DAAM2: variants seen among roughly 807,000 people sequenced by gnomAD.
DAAM2 encodes the protein disheveled-associated activator of morphogenesis 2.
In DAAM2, 39 loss-of-function variants were observed where a neutral mutation model predicts 120.7. That is an observed-to-expected ratio of 0.32 (90% CI 0.25 to 0.42). The LOEUF (loss-of-function observed/expected upper bound fraction) is 0.42. Ranked by LOEUF, DAAM2 falls within the 10% of genes least tolerant of loss-of-function variation. The pLI, the probability that DAAM2 is intolerant of heterozygous loss-of-function variation, is 1.00. For missense variants in DAAM2, 1,283 were observed against 1,401.7 expected, an observed-to-expected ratio of 0.92 and a Z score of 1.35; for synonymous variants, 488 against 524.9, an observed-to-expected ratio of 0.93 and a Z score of 0.96.
At chr6:39,835,735 G>T (rs930781774) in intron 1 of DAAM2, among the ~76,000 whole-genome samples, 1 of 152,218 alleles carries the variant, frequency 6.6e-6, no homozygotes, top group Non-Finnish European at 1.5e-5. Flanking sequence ...ATGCCGAGAG[G>T]ACTCTGTGGT....
rs1223508631 is a variant in DAAM2, at chr6:39,901,403, C to T, written c.2913C>T (p.Ala971=). 3.7e-6 allele frequency: 6 copies of T among 1,613,544 alleles called. No individual in the cohort carries two copies. Among genetic ancestry groups the T allele is most frequent in the East Asian group, 2.2e-5 (1 of 44,878 alleles). Residue 971 remains alanine, a synonymous_variant, in exon 24 of 25, where the codon GCC becomes GCT. Transcript: ENST00000274867. This position sits in a 1 kb window ranked among gnomAD's most constrained non-coding sequence, Gnocchi z 4.5. The stretch of plus-strand genomic sequence containing the variant: ...CCTTCTTGCAGGCCTTCTCAGAGGC[C>T]CGGCAGGATCTAGAGGCCATGAGGA... The part of the protein sequence containing the change: ...FDTFLQAFSE[A]RQDLEAMRRR...
In DAAM2 at chr6:39,902,155, C is replaced by A; in HGVS notation, c.*118C>A. 1 of 868,948 alleles carries A rather than the reference C, an allele frequency of 1.2e-6. No individual in the cohort carries two copies. The allele number at this position is 868,948 out of a possible 1,614,324, so 53.8% of individuals were successfully genotyped here. A position where few individuals can be genotyped will look rare whatever the true frequency, so the allele number is the denominator to read the frequency against. ...CTTGGTTTAGAGCCTTGGGCTGGGT[C>A]CTGGGATGGGGGGCTGTGTGTGGCT... On this transcript the variant is annotated 3_prime_UTR_variant, in exon 25 of 25. Coordinates refer to ENST00000274867, the MANE Select transcript of DAAM2 (RefSeq NM_001201427.2).
At chr6:39,795,300 C>T (rs1368696574) in intron 1 of DAAM2, among the ~76,000 whole-genome samples, 4 of 152,180 alleles carry the variant, frequency 2.6e-5, no homozygotes, top group Non-Finnish European at 5.9e-5. Context: ...GCGGATGACC[C>T]TCTAGATCTC....
At chr6:39,888,346 A>T (rs1045888397) in intron 16 of DAAM2, 3 of 174,184 alleles carry the variant, frequency 1.7e-5, no homozygotes, top group African/African-American at 7.1e-5. Context: ...TTTAAGCATG[A>T]GGAGGAGGAG....
intron 8 of DAAM2, among the ~76,000 whole-genome samples, chr6:39,871,060 G>A (rs1291900270): frequency 6.6e-6 from 1 of 152,180 alleles, no homozygotes; most frequent in African/African-American, 2.4e-5. Context: ...CCCTATGAAA[G>A]TACTGGGGAA....
rs1206544347 is a variant in DAAM2 at position 39,831,964 on chromosome 6, TG to T, written c.-56-24276del. On this transcript the variant is annotated intron_variant, in intron 1 of 24. Transcript: ENST00000274867. ...CCGGGGCACTGGAGGGTAGGTGCACTGGGGGGGTAGGTGCACTGGGGGGTAG... is the reference window on the plus strand; with the variant it reads ...CCGGGGCACTGGAGGGTAGGTGCACTGGGGGGTAGGTGCACTGGGGGGTAG... Among the ~76,000 whole-genome samples the T allele has an allele frequency of 1.0e-4, 4 of 38,288 alleles. No homozygotes were observed. The Admixed American group carries it at 1.1e-3, about 11-fold the overall frequency. The allele number at this position is 38,288 out of a possible 152,430, so 25.1% of individuals were successfully genotyped here.
chr6:39,870,581 GT>G (rs1283684885), intron 8 of DAAM2, 138 bp downstream of exon 8: 1 of 653,880 alleles, frequency 1.5e-6, no homozygotes, highest in Admixed American at 2.3e-5. Context: ...AATCAGCTCT[GT>G]GGGGGGAAGG....
At chr6:39,883,685 A>G (rs3800352) in intron 14 of DAAM2, 5,302 of 349,032 alleles carry the variant, frequency 0.015, 86 homozygotes, top group East Asian at 0.059. Context: ...CCTACTGCCT[A>G]CCCATCCCCC....
intron 1 of DAAM2, among the ~76,000 whole-genome samples, chr6:39,844,579 G>T (rs1763487090): frequency 6.6e-6 from 1 of 152,152 alleles, no homozygotes; most frequent in South Asian, 2.1e-4. Context: ...GGTCTATGGC[G>T]GATGTAAGCG....
intron 1 of DAAM2, among the ~76,000 whole-genome samples, chr6:39,824,246 T>C (rs2114150016): frequency 6.6e-6 from 1 of 152,258 alleles, no homozygotes; most frequent in South Asian, 2.1e-4. Context: ...TCAGGAAGTA[T>C]TGCTGGCATA....
At chr6:39,798,021 T>A (rs1582585081) in intron 1 of DAAM2, among the ~76,000 whole-genome samples, 1 of 152,086 alleles carries the variant, frequency 6.6e-6, no homozygotes, top group Admixed American at 6.5e-5. Flanking sequence ...AATGGCAGAG[T>A]TGAGTAGATG....
At chr6:39,862,430 T>A (rs1374408001) in intron 3 of DAAM2, 1 of 152,192 alleles carries the variant, frequency 6.6e-6, no homozygotes, top group Non-Finnish European at 1.5e-5. Context: ...TATCTCATGA[T>A]TCTCCATTTT....
intron 2 of DAAM2, among the ~76,000 whole-genome samples, chr6:39,857,113 G>GCTGAGGA (rs1338161847): frequency 1.3e-5 from 2 of 152,218 alleles, no homozygotes; most frequent in African/African-American, 2.4e-5. Context: ...TGAGAAGCCC[G>GCTGAGGA]TGTGTGTGCA....
chr6:39,853,239 C>A (rs1251209285), intron 1 of DAAM2, among the ~76,000 whole-genome samples: 1 of 152,132 alleles, frequency 6.6e-6, no homozygotes, highest in African/African-American at 2.4e-5. Flanking sequence ...TGGCAGAGAA[C>A]CTGTGATTTT....
At chr6:39,890,488 T>G (rs1330155372) in intron 17 of DAAM2, among the ~76,000 whole-genome samples, 1 of 152,206 alleles carries the variant, frequency 6.6e-6, no homozygotes, top group African/African-American at 2.4e-5. Context: ...TTAGACATTA[T>G]GCTGGGGAGA....
chr6:39,882,716 C>T (rs1382555491), intron 14 of DAAM2, among the ~76,000 whole-genome samples: 1 of 150,346 alleles, frequency 6.7e-6, no homozygotes, highest in Admixed American at 6.6e-5. Flanking sequence ...CACACACACA[C>T]ACGCACACAC....
chr6:39,795,681 A>G (rs765425664), intron 1 of DAAM2, among the ~76,000 whole-genome samples: 1 of 151,986 alleles, frequency 6.6e-6, no homozygotes, highest in Non-Finnish European at 1.5e-5. Context: ...CTAGCTACAT[A>G]TTTTCCATGA....
At chr6:39,827,050 A>G (rs1261988056) in intron 1 of DAAM2, among the ~76,000 whole-genome samples, 1 of 152,156 alleles carries the variant, frequency 6.6e-6, no homozygotes, top group Non-Finnish European at 1.5e-5. Context: ...TGGAATTTTT[A>G]ATTTTTGTTT....
intron 1 of DAAM2, among the ~76,000 whole-genome samples, chr6:39,839,312 G>C (rs9367031): frequency 0.14 from 20,821 of 152,078 alleles, 2,805 homozygotes; most frequent in East Asian, 0.36. Context: ...ATGCAGATTC[G>C]TAGGTCTTCC....
Sources: gnomAD v4.1 joint callset for allele counts (sites outside exome capture counted in the v4.1 genomes callset) on GRCh38, gnomAD v4.1.1 for gene constraint, Gnocchi (gnomAD v3.1) non-coding constraint, MANE v1.5 for transcripts, NCBI Gene and HGNC (gene_info 2026-07-23, HGNC 2026-07-21) for gene names.